Variants in CCDC187 observed in about 807,000 individuals in gnomAD.
CCDC187 encodes coiled-coil domain containing 187.
Under a neutral mutation model 38.0 loss-of-function variants are expected in CCDC187, and 32 were observed. The ratio of observed to expected loss-of-function variants is 0.84; its 90% CI spans 0.64 to 1.13. The LOEUF is 1.13. Ranked by LOEUF, CCDC187 falls within the 50% of genes most tolerant of loss-of-function variation. CCDC187 has a pLI of 0.00. For synonymous variants in CCDC187, 333 were observed against 347.9 expected (o/e 0.96, Z 0.48); for missense variants, 707 against 786.8 (o/e 0.90, Z 1.21).
chr9:136,270,581 G>A (rs1830823968), intron 14 of CCDC187, among the ~76,000 whole-genome samples: 1 of 152,330 alleles, frequency 6.6e-6, no homozygotes, highest in Admixed American at 6.5e-5. Context: ...AGTAGACAAG[G>A]AGGGTGACCA....
intron 14 of CCDC187, among the ~76,000 whole-genome samples, chr9:136,272,255 C>T (rs930823664): frequency 1.5e-4 from 23 of 152,110 alleles, no homozygotes; most frequent in African/African-American, 4.3e-4. Flanking sequence ...GGTAAAATGA[C>T]GACTATGTGC....
chr9:136,290,883 C>A lies in CCDC187; in HGVS notation c.1730G>T (p.Gly577Val). 1 of 398,606 alleles carries A rather than the reference C, an allele frequency of 2.5e-6. No homozygotes were observed. The highest frequency in any genetic ancestry group is 2.1e-5 in the African/African-American group (1 of 48,766). The allele number at this position is 398,606 out of a possible 1,614,324, so 24.7% of individuals were successfully genotyped here. Reference protein sequence around the residue: ...PPAQRPWSSSGVQRAGPQGKG... With the variant: ...PPAQRPWSSSVVQRAGPQGKG... ...GCCCTGGGGGCCGGCCCTCTGCACG[C>A]CGGAGCTGCTCCAGGGCCGCTGGGC... The change falls in exon 6 of 26, where the codon GGC (glycine) becomes GTC (valine). Residue 577 changes from glycine to valine, a missense_variant. Coordinates refer to ENST00000638797, the MANE Select transcript of CCDC187 (RefSeq NM_001378188.1).
rs73670218 is a variant in CCDC187 at position 136,261,634 on chromosome 9, G to A, written c.4064+677C>T. 8.9e-3 allele frequency among the ~76,000 whole-genome samples: 1,357 copies of A among 152,352 alleles called. 21 individuals are homozygous for A. Among genetic ancestry groups the A allele is most frequent in the African/African-American group, 0.031 (1,275 of 41,578 alleles). ...CAGGTTTATTTGAAAGCTTCAGGAGGAGGCACGGAGCCAATGGCCGAGCCT... is the reference window on the plus strand; with the variant it reads ...CAGGTTTATTTGAAAGCTTCAGGAGAAGGCACGGAGCCAATGGCCGAGCCT... On this transcript the variant is annotated intron_variant, in intron 19 of 25. Coordinates refer to ENST00000638797, the MANE Select transcript of CCDC187 (RefSeq NM_001378188.1).
chr9:136,269,450 C>A (rs913082507), intron 14 of CCDC187, among the ~76,000 whole-genome samples: 4 of 152,184 alleles, frequency 2.6e-5, no homozygotes, highest in Non-Finnish European at 4.4e-5. Context: ...GAGATGGAGA[C>A]CATCCTGGCT....
chr9:136,303,368 C>T (rs1375280917), intron 1 of CCDC187, 75 bp from the exon 2 acceptor site: 1 of 391,478 alleles, frequency 2.6e-6, no homozygotes, highest in Non-Finnish European at 4.5e-6. Context: ...CAGACTGGCC[C>T]CACCTCCCCG....
rs1831729522 is a variant in CCDC187, at chr9:136,303,143, G to A, written c.294C>T (p.Pro98=). The change falls in exon 2 of 26, where the codon CCC becomes CCT. Residue 98 remains proline, a synonymous_variant. Transcript: ENST00000638797. ...PGPWGKACSL[P]MWSTGPEARD... is the part of the protein sequence containing the mutation. ...TAGCCTCCGGGCCTGTGGACCACAT[G>A]GGCAGGCTGCACGCCTTCCCCCAGG... 2.3e-5 allele frequency: 9 copies of A among 398,648 alleles called. No homozygotes were observed. In the South Asian group the frequency reaches 1.1e-3, roughly 51 times the overall value. 24.7% of individuals were successfully genotyped at this position (398,648 alleles called of 1,614,324 possible). A position where few individuals can be genotyped will look rare whatever the true frequency, so the allele number is the denominator to read the frequency against.
rs549245664 is a variant in CCDC187, at chr9:136,251,090, G to A, written c.*2504C>T. 1.3e-5 allele frequency: 6 copies of A among 451,712 alleles called. No homozygotes were observed. Among genetic ancestry groups the A allele is most frequent in the African/African-American group, 1.0e-4 (5 of 50,126 alleles). The allele number at this position is 451,712 out of a possible 1,614,324, so 28.0% of individuals were successfully genotyped here. A position where few individuals can be genotyped will look rare whatever the true frequency, so the allele number is the denominator to read the frequency against. ...CTCTCTGAAGTGGAGGAGGCCTGAG[G>A]CCCTGGACAGGAGAAGCCACATCCT... On this transcript the variant is annotated 3_prime_UTR_variant, in exon 26 of 26. Coordinates refer to ENST00000638797, the MANE Select transcript of CCDC187 (RefSeq NM_001378188.1).
chr9:136,271,562 G>A (rs1014390585), intron 14 of CCDC187, among the ~76,000 whole-genome samples: 2 of 150,470 alleles, frequency 1.3e-5, no homozygotes, highest in African/African-American at 4.9e-5. Context: ...AATAACAAAG[G>A]ACATCATAAT....
At position 136,260,267 on chromosome 9, in the gene CCDC187, G is replaced by T. The variant is rs1160432497; in HGVS notation, c.4065-3C>A. 1.0e-6 allele frequency: 1 copy of T among 985,040 alleles called. No homozygotes were observed. The highest frequency in any genetic ancestry group is 1.2e-6 in the Non-Finnish European group (1 of 829,986). 61.0% of individuals were successfully genotyped at this position (985,040 alleles called of 1,614,324 possible). A position where few individuals can be genotyped will look rare whatever the true frequency, so the allele number is the denominator to read the frequency against. On this transcript the variant is annotated splice_region_variant and splice_polypyrimidine_tract_variant and intron_variant, in intron 19 of 25. Coordinates refer to ENST00000638797, the MANE Select transcript of CCDC187 (RefSeq NM_001378188.1). ...CATCCTGCTGCTCAGTGGGAGGGCT[G>T]CACGGCCATGCAGAGTGGAGGTGAC... is the stretch of plus-strand genomic sequence containing the variant.
At chr9:136,262,528 G>A (rs536615448) in intron 18 of CCDC187, 66 bp from the exon 19 acceptor site, 5 of 986,246 alleles carry the variant, frequency 5.1e-6, no homozygotes, top group Non-Finnish European at 6.0e-6. Flanking sequence ...CAGAAAAGCT[G>A]GTGGCTTCAC....
At chr9:136,262,169 G>A in intron 19 of CCDC187, 142 bp downstream of exon 19, 1 of 739,078 alleles carries the variant, frequency 1.4e-6, no homozygotes, top group Non-Finnish European at 1.7e-6. Flanking sequence ...AGCCACCCTG[G>A]GAGGGGATGC....
At position 136,264,804 on chromosome 9, in the gene CCDC187, G is replaced by A. The variant is rs1830725831; in HGVS notation, c.3736-1006C>T. Among the ~76,000 whole-genome samples the A allele has an allele frequency of 6.6e-6, 1 of 151,848 alleles. No homozygotes were observed. The highest frequency in any genetic ancestry group is 2.4e-5 in the African/African-American group (1 of 41,318). ...AAGGTCTCACTCTGTTGCCCAGGCT[G>A]GAGTGCAGTGGTGCAAGCTCAGCTC... is the stretch of plus-strand genomic sequence containing the variant. On this transcript the variant is annotated intron_variant, in intron 17 of 25. Transcript: ENST00000638797. The surrounding 1 kb of genome is among the most constrained non-coding windows in gnomAD (Gnocchi z 4.3).
chr9:136,288,058 G>A (rs1270531952), intron 7 of CCDC187, among the ~76,000 whole-genome samples: 3 of 152,188 alleles, frequency 2.0e-5, no homozygotes, highest in Non-Finnish European at 4.4e-5. Context: ...AGGCCCTGCA[G>A]CTGCCCGAGA....
intron 14 of CCDC187, among the ~76,000 whole-genome samples, chr9:136,273,881 G>A (rs970705384): frequency 2.6e-5 from 4 of 152,350 alleles, no homozygotes; most frequent in Non-Finnish European, 4.4e-5. Context: ...GGAAGTCACC[G>A]CATCTGCCAT....
At chr9:136,275,806 T>C (rs1830921269) in intron 12 of CCDC187, among the ~76,000 whole-genome samples, 1 of 152,070 alleles carries the variant, frequency 6.6e-6, no homozygotes, top group Non-Finnish European at 1.5e-5. Flanking sequence ...GACACTAAGC[T>C]CCTTCCTGTC....
At chr9:136,268,311 C>T (rs1307788471) in intron 14 of CCDC187, among the ~76,000 whole-genome samples, 186 bp from the exon 15 acceptor site, 1 of 152,202 alleles carries the variant, frequency 6.6e-6, no homozygotes, top group African/African-American at 2.4e-5. Context: ...CAGGCAGTCT[C>T]TTGATGTGAA....
At position 136,256,300 on chromosome 9, in the gene CCDC187, G is replaced by A. The variant is rs1016511362; in HGVS notation, c.4527C>T (p.Ser1509=). The part of the protein sequence containing the change: ...EASQVAEDSM[S]EEGLESGLDF... Reference sequence around the variant, plus strand: ...CCAGCCCCGATTCCAAGCCCTCTTCGCTCATGCTGTCCTCAGCCACCTGCT... The same window carrying A: ...CCAGCCCCGATTCCAAGCCCTCTTCACTCATGCTGTCCTCAGCCACCTGCT... The change falls in exon 24 of 26, where the codon AGC becomes AGT. Residue 1509 remains serine, a synonymous_variant. Transcript: ENST00000638797. The A allele has an allele frequency of 1.2e-5, 12 of 985,402 alleles. No individual in the cohort carries two copies. The highest frequency in any genetic ancestry group is 1.0e-4 in the African/African-American group (6 of 57,240). The allele number at this position is 985,402 out of a possible 1,614,324, so 61.0% of individuals were successfully genotyped here.
chr9:136,293,557 ACACT>A (rs1422605878), intron 4 of CCDC187, among the ~76,000 whole-genome samples: 2 of 151,678 alleles, frequency 1.3e-5, no homozygotes, highest in African/African-American at 4.9e-5. Context: ...ACATGCTCAC[ACACT>A]GTCACACACG....
chr9:136,273,803 A>T (rs1442570889), intron 14 of CCDC187, among the ~76,000 whole-genome samples: 2 of 152,262 alleles, frequency 1.3e-5, no homozygotes, highest in African/African-American at 4.8e-5. Context: ...TTTTGTGAAC[A>T]CAATGAAGTT....
Sources: allele counts gnomAD v4.1 joint callset (sites outside exome capture counted in the v4.1 genomes callset), GRCh38; gene constraint gnomAD v4.1.1; non-coding constraint Gnocchi (gnomAD v3.1); transcripts MANE v1.5; gene names NCBI Gene and HGNC (gene_info 2026-07-23, HGNC 2026-07-21).